Variants in ZNF723 observed in about 807,000 individuals in gnomAD.
ZNF723 encodes the protein zinc finger protein 723, pseudogene.
A neutral mutation model predicts 9.4 loss-of-function variants in ZNF723; 5 were observed. The ratio of observed to expected loss-of-function variants is 0.53; its 90% confidence interval spans 0.28 to 1.12. The LOEUF is 1.12. ZNF723 is among the 50% of genes most tolerant of loss of function. The probability of loss-of-function intolerance (pLI) is 0.10; values close to 1 mark genes in which losing one functional copy is unlikely to be tolerated. For missense variants in ZNF723, 450 were observed against 501.5 expected, an observed-to-expected ratio of 0.90 and a Z score of 0.98; for synonymous variants, 158 against 168.8, an observed-to-expected ratio of 0.94 and a Z score of 0.49.
chr19:22,841,900 C>CA (rs113753195), intron 1 of ZNF723, among the ~76,000 whole-genome samples: 31 of 152,168 alleles, frequency 2.0e-4, no homozygotes, highest in African/African-American at 6.7e-4. Flanking sequence ...AAGAAAAAAA[C>CA]AAACCTTTCA....
At chr19:22,835,513 C>A (rs1967155604) in intron 1 of ZNF723, among the ~76,000 whole-genome samples, 1 of 152,138 alleles carries the variant, frequency 6.6e-6, no homozygotes, top group East Asian at 1.9e-4. Flanking sequence ...TTCGCATTTA[C>A]CGTTTTTTTT....
chr19:22,813,257 T>G, the ZNF723 span, among the ~76,000 whole-genome samples: 234 of 152,308 alleles, frequency 1.5e-3, 1 homozygote, highest in African/African-American at 5.4e-3. Context: ...CTCCAAATTG[T>G]CTTGCAGGTG....
At chr19:22,852,329 TTTA>T (rs1967409485) in intron 3 of ZNF723, among the ~76,000 whole-genome samples, 1 of 152,198 alleles carries the variant, frequency 6.6e-6, no homozygotes, top group Admixed American at 6.5e-5. Flanking sequence ...GATGTTTTAG[TTTA>T]TATTATCATT....
intron 1 of ZNF723, among the ~76,000 whole-genome samples, chr19:22,834,522 A>T (rs1390496160): frequency 6.6e-6 from 1 of 151,980 alleles, no homozygotes; most frequent in East Asian, 1.9e-4. Context: ...CTCTGTGAAT[A>T]AACGAAGATA....
chr19:22,824,873 A>T, the ZNF723 span, among the ~76,000 whole-genome samples: 240 of 152,222 alleles, frequency 1.6e-3, no homozygotes, highest in African/African-American at 5.6e-3. Context: ...ACCTGGATGC[A>T]GCAAATTAGA....
chr19:22,820,074 C>G, the ZNF723 span, among the ~76,000 whole-genome samples: 1 of 152,134 alleles, frequency 6.6e-6, no homozygotes, highest in African/African-American at 2.4e-5. Flanking sequence ...TGATGTGACT[C>G]TCCTATTTTA....
At chr19:22,831,368 C>T (rs866069343), upstream of ZNF723, among the ~76,000 whole-genome samples, 13 of 150,334 alleles carry the variant, frequency 8.6e-5, no homozygotes, top group Middle Eastern at 0.011. Flanking sequence ...ACCAGCGTGC[C>T]CAACATGGTG....
chr19:22,825,018 C>T, the ZNF723 span, among the ~76,000 whole-genome samples: 1 of 152,160 alleles, frequency 6.6e-6, no homozygotes, highest in Non-Finnish European at 1.5e-5. Context: ...AATGTCATAG[C>T]AGTACCAATC....
At chr19:22,840,492 TCATGTTTCTCACG>T (rs1381413776) in intron 1 of ZNF723, 1 of 152,176 alleles carries the variant, frequency 6.6e-6, no homozygotes, top group Non-Finnish European at 1.5e-5. Context: ...TTTATAACGC[TCATGTTTCTCACG>T]CTGAGAATAG....
intron 1 of ZNF723, among the ~76,000 whole-genome samples, chr19:22,842,812 C>T (rs1252286762): frequency 2.0e-5 from 3 of 152,128 alleles, no homozygotes; most frequent in Admixed American, 1.3e-4. Flanking sequence ...CTGGAATTTA[C>T]AAGATAAGGC....
chr19:22,848,490 C>G, intron 2 of ZNF723, 103 bp downstream of exon 2: 1 of 891,048 alleles, frequency 1.1e-6, no homozygotes, highest in African/African-American at 1.7e-5. Flanking sequence ...AAATGAGTTT[C>G]ACATCACTGT....
intron 1 of ZNF723, among the ~76,000 whole-genome samples, chr19:22,833,158 T>G (rs147251635): frequency 0.014 from 2,089 of 152,286 alleles, 47 homozygotes; most frequent in African/African-American, 0.048. Flanking sequence ...TATTTTCTTT[T>G]TTTTCTTTTT....
chr19:22,819,186 G>A, the ZNF723 span, among the ~76,000 whole-genome samples: 71 of 152,342 alleles, frequency 4.7e-4, 1 homozygote, highest in Non-Finnish European at 7.8e-4. Context: ...CAGCACCAAG[G>A]TGATGCCCAG....
At position 22,835,736 on chromosome 19, in the gene ZNF723, T is replaced by C. The variant is rs151325255; in HGVS notation, c.3+3354T>C. The stretch of plus-strand genomic sequence containing the variant: ...ATAATTGGTGAGTTGCATAGATTCA[T>C]GAAAACAACAGTTTTTCTTTCTGTA... On this transcript the variant is annotated intron_variant, in intron 1 of 3. Coordinates refer to ENST00000600766, the MANE Select transcript of ZNF723 (RefSeq NM_001349726.2). Among the ~76,000 whole-genome samples, 1,478 of 152,298 alleles carry C rather than the reference T, an allele frequency of 9.7e-3. 21 individuals are homozygous for C. The highest frequency in any genetic ancestry group is 0.033 in the African/African-American group (1,380 of 41,568).
intron 1 of ZNF723, among the ~76,000 whole-genome samples, chr19:22,843,689 T>TAGA (rs1320932255): frequency 1.3e-5 from 2 of 152,186 alleles, no homozygotes; most frequent in Non-Finnish European, 2.9e-5. Context: ...CTTTATATTG[T>TAGA]AGTGACTTCT....
intron 1 of ZNF723, among the ~76,000 whole-genome samples, chr19:22,837,308 AAAAG>A (rs199950611): frequency 0.025 from 3,798 of 151,580 alleles, 161 homozygotes; most frequent in African/African-American, 0.084. Flanking sequence ...AAGAAAAAAG[AAAAG>A]AAAGAAAGAA....
chr19:22,825,799 A>G, the ZNF723 span, among the ~76,000 whole-genome samples: 1 of 152,220 alleles, frequency 6.6e-6, no homozygotes, highest in South Asian at 2.1e-4. Context: ...GACATACTGC[A>G]GTGCCCAACA....
intron 3 of ZNF723, among the ~76,000 whole-genome samples, chr19:22,853,064 T>G (rs967888938): frequency 2.0e-5 from 3 of 151,794 alleles, no homozygotes; most frequent in African/African-American, 7.3e-5. Flanking sequence ...GCATTGCTTT[T>G]AGTTATTGGC....
chr19:22,858,088 T>C lies in ZNF723; in HGVS notation c.1197T>C (p.Cys399=). 2 of 1,503,626 alleles carry C rather than the reference T, an allele frequency of 1.3e-6. No homozygotes were observed. Among genetic ancestry groups the C allele is most frequent in the South Asian group, 1.1e-5 (1 of 88,802 alleles). The allele number at this position is 1,503,626 out of a possible 1,614,324, so 93.1% of individuals were successfully genotyped here. ...RIHTGEKPYK[C]EECGKAFNQS... ...ATACTGGAGAGAAACCCTACAAATG[T>C]GAAGAATGTGGCAAAGCCTTTAACC... Residue 399 remains cysteine (C), a synonymous_variant, in exon 4 of 4, where the codon TGT becomes TGC. Coordinates refer to ENST00000600766, the MANE Select transcript of ZNF723 (RefSeq NM_001349726.2).
Sources: allele counts gnomAD v4.1 joint callset (sites outside exome capture counted in the v4.1 genomes callset), GRCh38; gene constraint gnomAD v4.1.1; transcripts MANE v1.5; gene names NCBI Gene and HGNC (gene_info 2026-07-23, HGNC 2026-07-21).